Variants in APLF observed in about 807,000 individuals in gnomAD.
APLF encodes the protein aprataxin and PNKP like factor, also known as aprataxin and PNK-like factor.
A neutral mutation model predicts 55.6 loss-of-function variants in APLF; 61 were observed. The ratio of observed to expected loss-of-function variants is 1.10; its 90% CI spans 0.89 to 1.36. APLF has a LOEUF of 1.36. Ranked by LOEUF, APLF falls within the 40% of genes most tolerant of loss-of-function variation. The probability of loss-of-function intolerance (pLI) is 0.00; values close to 1 mark genes in which losing one functional copy is unlikely to be tolerated. For synonymous variants in APLF, 207 were observed against 214.8 expected (o/e 0.96, Z 0.32); for missense variants, 611 against 602.5 (o/e 1.01, Z -0.15).
At chr2:68,556,731 G>A (rs1165879343) in intron 8 of APLF, among the ~76,000 whole-genome samples, 1 of 152,178 alleles carries the variant, frequency 6.6e-6, no homozygotes, top group African/African-American at 2.4e-5. Context: ...CATGTGTCAT[G>A]CAGATGAAAA....
intron 3 of APLF, among the ~76,000 whole-genome samples, chr2:68,503,149 C>T (rs1157163302): frequency 6.6e-6 from 1 of 152,100 alleles, no homozygotes; most frequent in East Asian, 1.9e-4. Flanking sequence ...AGCAGTTGCT[C>T]CCACAGGTGG....
chr2:68,478,436 C>T (rs1021415005), intron 1 of APLF, among the ~76,000 whole-genome samples: 3 of 152,038 alleles, frequency 2.0e-5, no homozygotes, highest in African/African-American at 7.3e-5. Context: ...GAAAAACATA[C>T]CTATAGACTC....
chr2:68,538,273 G>C (rs778592399), intron 7 of APLF, 46 bp downstream of exon 7: 23 of 1,475,736 alleles, frequency 1.6e-5, no homozygotes, highest in Admixed American at 2.1e-5. Context: ...TTTTGATAGC[G>C]TGTAGCTATG....
At chr2:68,575,890 G>A (rs1487525550) in intron 9 of APLF, among the ~76,000 whole-genome samples, 1 of 152,090 alleles carries the variant, frequency 6.6e-6, no homozygotes, top group African/African-American at 2.4e-5. Flanking sequence ...AGGGCAGTAG[G>A]TCAGGGCTTA....
At chr2:68,499,258 C>T (rs1055850097) in intron 2 of APLF, among the ~76,000 whole-genome samples, 7 of 152,178 alleles carry the variant, frequency 4.6e-5, no homozygotes, top group African/African-American at 1.7e-4. Context: ...AAAAGGCATA[C>T]ACCAACAATG....
chr2:68,534,341 C>T (rs1343016210), intron 6 of APLF, among the ~76,000 whole-genome samples: 2 of 152,096 alleles, frequency 1.3e-5, no homozygotes, highest in African/African-American at 2.4e-5. Context: ...TAGTCTTTAG[C>T]GTTAGTCAGT....
At chr2:68,501,844 T>A (rs1676731326) in intron 2 of APLF, among the ~76,000 whole-genome samples, 1 of 152,180 alleles carries the variant, frequency 6.6e-6, no homozygotes, top group South Asian at 2.1e-4. Context: ...TTCCTATATG[T>A]CTTAGTTCAT....
chr2:68,513,814 G>T (rs903268487), intron 5 of APLF, 134 bp downstream of exon 5: 13 of 975,046 alleles, frequency 1.3e-5, no homozygotes, highest in African/African-American at 1.3e-4. Flanking sequence ...GCCTAGCCTA[G>T]TTTTTTTAGT....
At chr2:68,540,843 A>T (rs1202992546) in intron 7 of APLF, among the ~76,000 whole-genome samples, 1 of 152,072 alleles carries the variant, frequency 6.6e-6, no homozygotes, top group African/African-American at 2.4e-5. Context: ...ATAGCAAAGG[A>T]CGTAGAACTC....
chr2:68,527,061 G>T (rs1201945008), intron 6 of APLF, among the ~76,000 whole-genome samples: 55 of 152,096 alleles, frequency 3.6e-4, no homozygotes, highest in Admixed American at 3.6e-3. Flanking sequence ...TGGTGAGGGG[G>T]CCGGGTAGAG....
chr2:68,488,867 A>T (rs1331852081), intron 1 of APLF, among the ~76,000 whole-genome samples: 3 of 152,146 alleles, frequency 2.0e-5, no homozygotes, highest in Non-Finnish European at 1.5e-5. Context: ...GATATACCTA[A>T]TGCTAAATGA....
intron 6 of APLF, among the ~76,000 whole-genome samples, chr2:68,527,558 G>A (rs1276915567): frequency 9.4e-5 from 14 of 149,352 alleles, no homozygotes; most frequent in Admixed American, 7.3e-4. Flanking sequence ...AGGCAGAAGC[G>A]CTCCTCACTT....
At chr2:68,571,173 C>A (rs1260525135) in intron 9 of APLF, among the ~76,000 whole-genome samples, 1 of 151,442 alleles carries the variant, frequency 6.6e-6, no homozygotes, top group Non-Finnish European at 1.5e-5. Flanking sequence ...TGTTTGAGTT[C>A]TTTGTAGATT....
intron 3 of APLF, 41 bp downstream of exon 3, chr2:68,502,944 A>T: frequency 1.3e-6 from 2 of 1,562,764 alleles, no homozygotes; most frequent in South Asian, 1.2e-5. Context: ...GTTATTTTTA[A>T]TCTAATTCCT....
At chr2:68,491,009 T>G (rs1376872975) in intron 2 of APLF, among the ~76,000 whole-genome samples, 1 of 152,218 alleles carries the variant, frequency 6.6e-6, no homozygotes, top group Non-Finnish European at 1.5e-5. Flanking sequence ...CATTAGTTCT[T>G]TCTTTTACAC....
intron 1 of APLF, among the ~76,000 whole-genome samples, chr2:68,483,681 CAAAT>C (rs1050541760): frequency 2.6e-5 from 4 of 151,928 alleles, no homozygotes; most frequent in Non-Finnish European, 5.9e-5. Context: ...TACTGAAAAA[CAAAT>C]AATTTGTACT....
chr2:68,544,911 T>C (rs1258885803), intron 7 of APLF, among the ~76,000 whole-genome samples: 1 of 152,172 alleles, frequency 6.6e-6, no homozygotes, highest in Non-Finnish European at 1.5e-5. Flanking sequence ...GTCATATATA[T>C]AGTAATGTTT....
At chr2:68,479,706 CT>C (rs906002587) in intron 1 of APLF, among the ~76,000 whole-genome samples, 6 of 151,734 alleles carry the variant, frequency 4.0e-5, no homozygotes, top group African/African-American at 1.2e-4. Context: ...TGTATAAAAA[CT>C]TTTTTTTTAA....
intron 9 of APLF, among the ~76,000 whole-genome samples, chr2:68,572,579 T>C (rs577239524): frequency 6.6e-6 from 1 of 152,368 alleles, no homozygotes; most frequent in Admixed American, 6.5e-5. Flanking sequence ...CTCATGCCTA[T>C]AATCCCAGCA....
Sources: allele counts gnomAD v4.1 joint callset (sites outside exome capture counted in the v4.1 genomes callset), GRCh38; gene constraint gnomAD v4.1.1; transcripts MANE v1.5; gene names NCBI Gene and HGNC (gene_info 2026-07-23, HGNC 2026-07-21).